Variants in LGALS3BP observed in about 807,000 individuals in gnomAD.
The protein encoded by LGALS3BP is galectin-3-binding protein.
Under a neutral mutation model 22.9 loss-of-function variants are expected in LGALS3BP, and 25 were observed. The ratio of observed to expected loss-of-function variants is 1.09; its 90% confidence interval spans 0.80 to 1.53. LGALS3BP has a LOEUF of 1.53. LGALS3BP is among the 40% of genes most tolerant of loss of function. The probability of loss-of-function intolerance (pLI) is 0.00; values close to 1 mark genes in which losing one functional copy is unlikely to be tolerated. For synonymous variants in LGALS3BP, 335 were observed against 331.1 expected (o/e 1.01, Z -0.13); for missense variants, 718 against 752.0 (o/e 0.95, Z 0.53).
chr17:78,975,795 A>AC (rs1336003400), intron 3 of LGALS3BP, among the ~76,000 whole-genome samples, 170 bp downstream of exon 3: 3 of 82,806 alleles, frequency 3.6e-5, no homozygotes, highest in African/African-American at 3.0e-4. Flanking sequence ...CCATCTCAAA[A>AC]AAAAAAAAAA....
Position 78,975,997 on chromosome 17 carries a change from G to C in LGALS3BP, c.212C>G (p.Thr71Ser), listed in dbSNP as rs1287443808. 6.2e-7 allele frequency: 1 copy of C among 1,612,006 alleles called. No individual in the cohort carries two copies. The highest frequency in any genetic ancestry group is 8.5e-7 in the Non-Finnish European group (1 of 1,179,518). Residue 71 changes from threonine (T) to serine (S), a missense_variant, in exon 3 of 6, where the codon ACC (threonine) becomes AGC (serine). Coordinates refer to ENST00000262776, the MANE Select transcript of LGALS3BP (RefSeq NM_005567.4). Reference protein sequence around the residue: ...VCRALGFENATQALGRAAFGQ... With the variant: ...VCRALGFENASQALGRAAFGQ... Reference sequence around the variant, plus strand: ...GAAGGCAGCTCTGCCCAGAGCCTGGGTGGCGTTCTCGAAGCCCAGGGCCCG... The same window carrying C: ...GAAGGCAGCTCTGCCCAGAGCCTGGCTGGCGTTCTCGAAGCCCAGGGCCCG...
intron 4 of LGALS3BP, 116 bp downstream of exon 4, chr17:78,974,572 A>T: frequency 8.2e-7 from 1 of 1,215,874 alleles, no homozygotes; most frequent in Non-Finnish European, 1.1e-6. Context: ...GGCAGGCGGT[A>T]GTGGAAGGAA....
At position 78,973,325 on chromosome 17, in the gene LGALS3BP, C is replaced by T; in HGVS notation, c.377-103G>A. The stretch of plus-strand genomic sequence containing the variant: ...GAAAGTGAGGGATTTGTGGCTGCCT[C>T]ATTCACTCTGGAAGGCTCCTGGGAA... On this transcript the variant is annotated intron_variant, in intron 4 of 5. Transcript: ENST00000262776. This position sits in a 1 kb window ranked among gnomAD's most constrained non-coding sequence, Gnocchi z 5.8. 1.5e-6 allele frequency: 2 copies of T among 1,323,380 alleles called. No homozygotes were observed. The highest frequency in any genetic ancestry group is 1.0e-6 in the Non-Finnish European group (1 of 997,140). The allele number at this position is 1,323,380 out of a possible 1,614,324, so 82.0% of individuals were successfully genotyped here.
intron 3 of LGALS3BP, 170 bp from the exon 4 acceptor site, chr17:78,974,989 C>G (rs1171208093): frequency 4.9e-6 from 4 of 808,622 alleles, no homozygotes; most frequent in Non-Finnish European, 7.6e-6. Flanking sequence ...TTTGTGATTG[C>G]AATGTCAGGC....
At position 78,972,034 on chromosome 17, in the gene LGALS3BP, A is replaced by G; in HGVS notation, c.1300T>C (p.Ser434Pro). The stretch of plus-strand genomic sequence containing the variant: ...TATTTGACCAAAGGCCCCCGTCTGG[A>G]CTGATAGACCAGTTGTGACTTCCGT... ...SARKSQLVYQSRRGPLVKYSS... is the reference protein window; with the variant it reads ...SARKSQLVYQPRRGPLVKYSS... Residue 434 changes from serine to proline, a missense_variant, in exon 6 of 6, where the codon TCC becomes CCC. Transcript: ENST00000262776. The surrounding 1 kb of genome is among the most constrained non-coding windows in gnomAD (Gnocchi z 5.1). The G allele has an allele frequency of 1.2e-6, 2 of 1,614,060 alleles. No homozygotes were observed. The highest frequency in any genetic ancestry group is 1.7e-6 in the Non-Finnish European group (2 of 1,180,018).
Position 78,977,131 on chromosome 17 carries a change from T to C in LGALS3BP, c.52+9A>G. ...TCTGCTTTTGGTATTTCCCAGGGGC[T>C]CAGCTCACCTTGGGTTCCTGCAACC... On this transcript the variant is annotated intron_variant, in intron 2 of 5. Coordinates refer to ENST00000262776, the MANE Select transcript of LGALS3BP (RefSeq NM_005567.4). 1.2e-6 allele frequency: 2 copies of C among 1,613,224 alleles called. No homozygotes were observed. The highest frequency in any genetic ancestry group is 1.7e-6 in the Non-Finnish European group (2 of 1,179,930).
At position 78,973,179 on chromosome 17, in the gene LGALS3BP, C is replaced by G; in HGVS notation, c.420G>C (p.Ser140=). The change falls in exon 5 of 6, where the codon TCG becomes TCC. Residue 140 remains serine (S), a synonymous_variant. Coordinates refer to ENST00000262776, the MANE Select transcript of LGALS3BP (RefSeq NM_005567.4). The surrounding 1 kb of genome is among the most constrained non-coding windows in gnomAD (Gnocchi z 5.8). The part of the protein sequence containing the change: ...THTLDLSREL[S]EALGQIFDSQ... ...TGTCAAAGATCTGGCCAAGGGCCTC[C>G]GAGAGCTCCCTGGAGAGGTCCAGGG... 6.3e-7 allele frequency: 1 copy of G among 1,597,098 alleles called. No homozygotes were observed.
rs1181431854 is a variant in LGALS3BP, at chr17:78,972,350, C to T, written c.984G>A (p.Trp328Ter). Reference protein sequence around the residue: ...ELALLKAVDTWSWGERASHEE... With the variant: ...ELALLKAVDT ...CATGGGAGGCACGCTCCCCCCAGCT[C>T]CAGGTGTCCACGGCCTTCAGTAGGG... Residue 328 changes from tryptophan (W) to a stop codon, truncating the protein, a stop_gained, in exon 6 of 6, where the codon TGG becomes TGA. Transcript: ENST00000262776. LOFTEE classifies it low-confidence loss of function (END_TRUNC). The surrounding 1 kb of genome is among the most constrained non-coding windows in gnomAD (Gnocchi z 5.1). The T allele has an allele frequency of 2.5e-6, 4 of 1,613,504 alleles. No individual in the cohort carries two copies. Among genetic ancestry groups the T allele is most frequent in the Non-Finnish European group, 3.4e-6 (4 of 1,180,034 alleles).
In LGALS3BP at chr17:78,976,210, A is replaced by T. The variant is rs958222526; in HGVS notation, c.53-54T>A. On this transcript the variant is annotated intron_variant, in intron 2 of 5. Transcript: ENST00000262776. The surrounding 1 kb of genome is among the most constrained non-coding windows in gnomAD (Gnocchi z 4.6). Reference sequence around the variant, plus strand: ...CTGGGGCCTGCAGCACCCACCGCCCACACCTCCAGGCCCCATATGCTGTCC... The same window carrying T: ...CTGGGGCCTGCAGCACCCACCGCCCTCACCTCCAGGCCCCATATGCTGTCC... The T allele has an allele frequency of 1.4e-5, 20 of 1,453,836 alleles. No individual in the cohort carries two copies. The highest frequency in any genetic ancestry group is 7.5e-5 in the East Asian group (3 of 40,142). The allele number at this position is 1,453,836 out of a possible 1,614,324, so 90.1% of individuals were successfully genotyped here.
chr17:78,977,263 G>A lies in LGALS3BP; in HGVS notation c.-23-49C>T, dbSNP rs968032934. 72 of 1,496,898 alleles carry A rather than the reference G, an allele frequency of 4.8e-5. No individual in the cohort carries two copies. The East Asian group carries it at 7.2e-4, about 15-fold the overall frequency. 92.7% of individuals were successfully genotyped at this position (1,496,898 alleles called of 1,614,324 possible). A position where few individuals can be genotyped will look rare whatever the true frequency, so the allele number is the denominator to read the frequency against. On this transcript the variant is annotated intron_variant, in intron 1 of 5. Coordinates refer to ENST00000262776, the MANE Select transcript of LGALS3BP (RefSeq NM_005567.4). The stretch of plus-strand genomic sequence containing the variant: ...GTGAGGCACGGGAGCCAGATGGCCC[G>A]AGGCCCCAGGGACTGGCCTGCCCAT...
In LGALS3BP at chr17:78,972,075, T is replaced by G; in HGVS notation, c.1259A>C (p.Asp420Ala). ...TSPTWSAFVT[D>A]SSWSARKSQL... ...TGACTTCCGTGCACTCCAGGAACTGTCTGTCACAAAGGCACTCCAGGTGGG... is the reference window on the plus strand; with the variant it reads ...TGACTTCCGTGCACTCCAGGAACTGGCTGTCACAAAGGCACTCCAGGTGGG... The change falls in exon 6 of 6, where the codon GAC (aspartate) becomes GCC (alanine). Residue 420 changes from aspartate (D) to alanine (A), a missense_variant. By Grantham distance (126) the Asp-to-Ala change is moderately radical. Transcript: ENST00000262776. This position sits in a 1 kb window ranked among gnomAD's most constrained non-coding sequence, Gnocchi z 5.1. 1 of 1,613,796 alleles carries G rather than the reference T, an allele frequency of 6.2e-7. No homozygotes were observed.
At chr17:78,975,804 A>C in intron 3 of LGALS3BP, 161 bp downstream of exon 3, 1 of 508,412 alleles carries the variant, frequency 2.0e-6, no homozygotes, top group South Asian at 3.1e-5. Context: ...AAAAAAAAAA[A>C]AAAAAAAAAA....
At chr17:78,978,812 C>G (rs2070741502) in intron 1 of LGALS3BP, among the ~76,000 whole-genome samples, 1 of 152,194 alleles carries the variant, frequency 6.6e-6, no homozygotes, top group African/African-American at 2.4e-5. Flanking sequence ...GCCTGTAATC[C>G]CAGAACTTTG....
Position 78,974,710 on chromosome 17 carries a change from G to T in LGALS3BP, c.354C>A (p.Asp118Glu). ...CACCATTGGTGCAGACCACACCAGC[G>T]TCTCTCTCGTGCCTGCAGTTGCTCT... is the stretch of plus-strand genomic sequence containing the variant. Reference protein sequence around the residue: ...WLKSNCRHERDAGVVCTNETR... With the variant: ...WLKSNCRHEREAGVVCTNETR... Residue 118 changes from aspartate to glutamate, a missense_variant, in exon 4 of 6, where the codon GAC becomes GAA. Asp to Glu is a conservative substitution (Grantham distance 45, BLOSUM62 2). Coordinates refer to ENST00000262776, the MANE Select transcript of LGALS3BP (RefSeq NM_005567.4). 6.2e-7 allele frequency: 1 copy of T among 1,613,690 alleles called. No homozygotes were observed. The highest frequency in any genetic ancestry group is 8.5e-7 in the Non-Finnish European group (1 of 1,179,998).
chr17:78,974,533 G>A, intron 4 of LGALS3BP, 155 bp downstream of exon 4: 1 of 803,454 alleles, frequency 1.2e-6, no homozygotes, highest in Non-Finnish European at 1.9e-6. Context: ...GTGGGCTCTT[G>A]GGACGTCTGG....
At chr17:78,974,857 G>C (rs779203036) in intron 3 of LGALS3BP, 38 bp from the exon 4 acceptor site, 4 of 1,604,924 alleles carry the variant, frequency 2.5e-6, no homozygotes, top group Non-Finnish European at 3.4e-6. Context: ...GGGGCGTGAC[G>C]ACTGCACCCA....
intron 3 of LGALS3BP, among the ~76,000 whole-genome samples, chr17:78,975,161 A>G (rs927531085): frequency 6.6e-6 from 1 of 152,084 alleles, no homozygotes; most frequent in Non-Finnish European, 1.5e-5. Context: ...TTGTGTGACT[A>G]TCCCTGCAAC....
intron 3 of LGALS3BP, chr17:78,975,070 T>C: frequency 2.0e-6 from 1 of 508,710 alleles, no homozygotes. Flanking sequence ...GTATAGTAAT[T>C]GTGTGACTAT....
At chr17:78,979,122 G>A (rs1239419192) in intron 1 of LGALS3BP, among the ~76,000 whole-genome samples, 1 of 152,124 alleles carries the variant, frequency 6.6e-6, no homozygotes, top group Non-Finnish European at 1.5e-5. Context: ...TGCCCTTTGT[G>A]TGGCAGCGGC....
Sources: allele counts gnomAD v4.1 joint callset (sites outside exome capture counted in the v4.1 genomes callset), GRCh38; gene constraint gnomAD v4.1.1; non-coding constraint Gnocchi (gnomAD v3.1); transcripts MANE v1.5; gene names NCBI Gene and HGNC (gene_info 2026-07-23, HGNC 2026-07-21).